The following WAPL variants were observed in gnomAD, a reference collection of about 807,000 sequenced individuals.
WAPL encodes the protein wings apart-like protein homolog.
A neutral mutation model predicts 121.0 loss-of-function variants in WAPL; 5 were observed. That is an observed-to-expected ratio of 0.04 (90% CI 0.02 to 0.09). The LOEUF (loss-of-function observed/expected upper bound fraction) is 0.09. Ranked by LOEUF, WAPL falls within the 10% of genes least tolerant of loss-of-function variation. The pLI is 1.00. For synonymous variants in WAPL, 480 were observed against 481.5 expected (o/e 1.00, Z 0.04); for missense variants, 999 against 1,410.8 (o/e 0.71, Z 4.68).
At chr10:86,510,975 C>A (rs775772538) in intron 2 of WAPL, among the ~76,000 whole-genome samples, 14 of 147,298 alleles carry the variant, frequency 9.5e-5, no homozygotes, top group Middle Eastern at 3.4e-3. Flanking sequence ...TACGGGTGCA[C>A]CCCAACACAT....
At chr10:86,505,215 G>C (rs1842323210) in intron 2 of WAPL, among the ~76,000 whole-genome samples, 1 of 149,062 alleles carries the variant, frequency 6.7e-6, no homozygotes, top group African/African-American at 2.5e-5. Context: ...GCCCAGGCTG[G>C]TCTCAAACTC....
At chr10:86,466,096 C>T (rs961614594) in intron 9 of WAPL, among the ~76,000 whole-genome samples, 1 of 152,160 alleles carries the variant, frequency 6.6e-6, no homozygotes, top group African/African-American at 2.4e-5. Flanking sequence ...CCATCTCACA[C>T]ATGGGGCATT....
rs1841059792 is a variant in WAPL, at chr10:86,453,707, C to A, written c.2782G>T (p.Asp928Tyr). The change falls in exon 13 of 19, where the codon GAC becomes TAC. Residue 928 changes from aspartate to tyrosine, a missense_variant. Physicochemically the swap from Asp to Tyr is radical, Grantham distance 160. Transcript: ENST00000298767. Reference protein sequence around the residue: ...VTNHVGKAVEDCMRAIIGVLL... With the variant: ...VTNHVGKAVEYCMRAIIGVLL... ...ACCCCGATGATGGCCCTCATGCAGT[C>A]CTCCACTGCTTTGCCTACATGGTTA... 6.2e-7 allele frequency: 1 copy of A among 1,613,740 alleles called. No individual in the cohort carries two copies. Among genetic ancestry groups the A allele is most frequent in the African/African-American group, 1.3e-5 (1 of 74,906 alleles).
chr10:86,476,725 T>C (rs1366109066), intron 4 of WAPL, among the ~76,000 whole-genome samples: 1 of 150,528 alleles, frequency 6.6e-6, no homozygotes, highest in Non-Finnish European at 1.5e-5. Flanking sequence ...AAGTATTAAA[T>C]GTTATTATTA....
intron 1 of WAPL, among the ~76,000 whole-genome samples, chr10:86,520,368 A>G (rs1036870108): frequency 2.0e-5 from 3 of 152,250 alleles, no homozygotes; most frequent in Non-Finnish European, 4.4e-5. Context: ...ATAGTGAAAT[A>G]CTGATGAAAT....
intron 4 of WAPL, among the ~76,000 whole-genome samples, chr10:86,480,779 G>A (rs2132202283): frequency 6.6e-6 from 1 of 152,340 alleles, no homozygotes; most frequent in East Asian, 1.9e-4. Context: ...CCAATGAAGT[G>A]TGAAGAGAAG....
Position 86,500,223 on chromosome 10 carries a change from C to T in WAPL, c.1020G>A (p.Gly340=). Residue 340 remains glycine (G), a synonymous_variant, in exon 3 of 19, where the codon GGG becomes GGA. Coordinates refer to ENST00000298767, the MANE Select transcript of WAPL (RefSeq NM_015045.5). The part of the protein sequence containing the change: ...SKDGLNQAKK[G]GVSCGTSFRG... ...TAAAACTGGTCCCACAACTTACACC[C>T]CCTTTCTTTGCCTGATTCAGGCCAT... is the stretch of plus-strand genomic sequence containing the variant. 1 of 1,614,168 alleles carries T rather than the reference C, an allele frequency of 6.2e-7. No individual in the cohort carries two copies. The highest frequency in any genetic ancestry group is 8.5e-7 in the Non-Finnish European group (1 of 1,180,038).
At chr10:86,514,679 C>T (rs1022751092) in intron 2 of WAPL, among the ~76,000 whole-genome samples, 2 of 152,180 alleles carry the variant, frequency 1.3e-5, no homozygotes, top group Middle Eastern at 3.2e-3. Context: ...GTTGGTCTCA[C>T]CAACCAACTT....
At chr10:86,483,037 T>C (rs1841828128) in intron 4 of WAPL, among the ~76,000 whole-genome samples, 2 of 152,202 alleles carry the variant, frequency 1.3e-5, no homozygotes, top group African/African-American at 4.8e-5. Context: ...ATTCCTAACA[T>C]TTAGTGACAT....
In WAPL at chr10:86,471,030, T is replaced by C. The variant is rs1841523111; in HGVS notation, c.2104A>G (p.Met702Val). 7 of 1,613,858 alleles carry C rather than the reference T, an allele frequency of 4.3e-6. No individual in the cohort carries two copies. Among genetic ancestry groups the C allele is most frequent in the Non-Finnish European group, 5.1e-6 (6 of 1,179,958 alleles). Residue 702 changes from methionine (M) to valine (V), a missense_variant, in exon 8 of 19, where the codon ATG becomes GTG. This residue lies in a region of WAPL where 118 missense variants were observed against 318.3 expected (regional missense o/e 0.37). Coordinates refer to ENST00000298767, the MANE Select transcript of WAPL (RefSeq NM_015045.5). ...MHLRAHGMVA[M>V]VFKTLDDSQH... is the part of the protein sequence containing the mutation. ...GAATCATCCAAGGTTTTAAAGACCA[T>C]TGCTACCATCCCATGTGCTCTCAGG... is the stretch of plus-strand genomic sequence containing the variant.
rs140572357 is a variant in WAPL, at chr10:86,469,953, C to T, written c.2142+1039G>A. ...GGTTTCCCAAAATGGATCTGAACTC[C>T]TGAGCTCAAGAGATCCTCCCTTAGT... On this transcript the variant is annotated intron_variant, in intron 8 of 18. Transcript: ENST00000298767. Among the ~76,000 whole-genome samples, 473 of 152,194 alleles carry T rather than the reference C, an allele frequency of 3.1e-3. 2 individuals are homozygous for T. The highest frequency in any genetic ancestry group is 0.011 in the African/African-American group (451 of 41,524).
chr10:86,448,329 T>C lies in WAPL; in HGVS notation c.3115-1880A>G, dbSNP rs530451836. Reference sequence around the variant, plus strand: ...AGCCAAACGTGGTGGCATGTGCCTGTAGTTCCACCTACTTGGGAGGCTGAG... The same window carrying C: ...AGCCAAACGTGGTGGCATGTGCCTGCAGTTCCACCTACTTGGGAGGCTGAG... On this transcript the variant is annotated intron_variant, in intron 15 of 18. Transcript: ENST00000298767. 3.3e-5 allele frequency among the ~76,000 whole-genome samples: 5 copies of C among 152,150 alleles called. No individual in the cohort carries two copies. The East Asian group carries it at 5.9e-4, about 18-fold the overall frequency.
intron 9 of WAPL, 74 bp downstream of exon 9, chr10:86,467,205 A>G (rs1841419044): frequency 1.5e-6 from 2 of 1,367,842 alleles, no homozygotes; most frequent in Non-Finnish European, 2.0e-6. Flanking sequence ...GCCCACAGTC[A>G]CACAGCTACT....
At chr10:86,512,587 G>A (rs1459908770) in intron 2 of WAPL, among the ~76,000 whole-genome samples, 2 of 152,184 alleles carry the variant, frequency 1.3e-5, no homozygotes, top group Non-Finnish European at 2.9e-5. Context: ...TTAGAAGGGT[G>A]GACCTTTAGC....
intron 12 of WAPL, among the ~76,000 whole-genome samples, chr10:86,454,510 T>C (rs1841083304): frequency 6.6e-6 from 1 of 152,208 alleles, no homozygotes; most frequent in Non-Finnish European, 1.5e-5. Flanking sequence ...GCCTAGTGCC[T>C]GGGACTGCAG....
At chr10:86,455,683 T>TAAAAAAAAAAAAAA (rs539594893) in intron 12 of WAPL, among the ~76,000 whole-genome samples, 71 of 27,918 alleles carry the variant, frequency 2.5e-3, no homozygotes, top group Middle Eastern at 0.022. Context: ...CAATAAATAC[T>TAAAAAAAAAAAAAA]AAAAAAAAAA....
chr10:86,520,500 T>C (rs1350002692), intron 1 of WAPL, among the ~76,000 whole-genome samples: 1 of 152,174 alleles, frequency 6.6e-6, no homozygotes. Context: ...TATCTCCTCC[T>C]GATTGCCTTT....
Position 86,438,070 on chromosome 10 carries a change from C to A in WAPL, c.3412-55G>T, listed in dbSNP as rs186580010. On this transcript the variant is annotated intron_variant, in intron 17 of 18. Transcript: ENST00000298767. ...AGCTGGCAGAAAACATGAGATTGCACCTCGTACAATGTTGTTGGTTTTGAC... is the reference window on the plus strand; with the variant it reads ...AGCTGGCAGAAAACATGAGATTGCAACTCGTACAATGTTGTTGGTTTTGAC... 2.6e-5 allele frequency: 34 copies of A among 1,331,308 alleles called. No individual in the cohort carries two copies. The East Asian group carries it at 5.3e-4, about 21-fold the overall frequency. The allele number at this position is 1,331,308 out of a possible 1,614,324, so 82.5% of individuals were successfully genotyped here. A position where few individuals can be genotyped will look rare whatever the true frequency, so the allele number is the denominator to read the frequency against.
intron 2 of WAPL, 31 bp from the exon 3 acceptor site, chr10:86,500,774 G>A (rs1240676406): frequency 1.3e-6 from 2 of 1,498,292 alleles, no homozygotes; most frequent in Non-Finnish European, 1.8e-6. Context: ...ATAAAAACAT[G>A]AGTGGTATCA....
Sources: allele counts gnomAD v4.1 joint callset (sites outside exome capture counted in the v4.1 genomes callset), GRCh38; gene constraint gnomAD v4.1.1; regional missense constraint gnomAD v4.1.1; transcripts MANE v1.5; gene names NCBI Gene and HGNC (gene_info 2026-07-23, HGNC 2026-07-21).